The following UBR4 variants were observed in gnomAD, a reference collection of about 807,000 sequenced individuals.
The protein encoded by UBR4 is E3 ubiquitin-protein ligase UBR4.
UBR4 carries 124 observed loss-of-function variants against 575.6 expected under a neutral mutation model. The ratio of observed to expected loss-of-function variants is 0.22; its 90% CI spans 0.19 to 0.25. The LOEUF (loss-of-function observed/expected upper bound fraction) is 0.25, where lower values mean the gene tolerates loss of function less well. UBR4 is among the 10% of genes least tolerant of loss of function. The probability of loss-of-function intolerance (pLI) is 1.00; values close to 1 mark genes in which losing one functional copy is unlikely to be tolerated. For synonymous variants in UBR4, 2,455 were observed against 2,473.7 expected (o/e 0.99, Z 0.22); for missense variants, 4,818 against 6,478.8 (o/e 0.74, Z 8.80).
At chr1:19,080,236 G>A (rs903342088) in intron 103 of UBR4, 1 of 152,206 alleles carries the variant, frequency 6.6e-6, no homozygotes, top group Non-Finnish European at 1.5e-5. Flanking sequence ...TGATATGTTA[G>A]GAATGGGGGC....
chr1:19,177,789 T>C (rs2090432878), intron 18 of UBR4, 46 bp from the exon 19 acceptor site: 1 of 1,580,250 alleles, frequency 6.3e-7, no homozygotes. Flanking sequence ...AAAAGAGCAT[T>C]CCCCAGGAGT....
intron 8 of UBR4, among the ~76,000 whole-genome samples, chr1:19,195,839 G>A (rs1349102948): frequency 6.6e-6 from 1 of 152,038 alleles, no homozygotes; most frequent in African/African-American, 2.4e-5. Context: ...TCACAGCTCA[G>A]AATCTTTAAT....
rs1182333660 is a variant in UBR4, at chr1:19,150,521, T to C, written c.7430+56A>G. 6 of 1,575,050 alleles carry C rather than the reference T, an allele frequency of 3.8e-6. No homozygotes were observed. In the South Asian group the frequency reaches 6.7e-5, roughly 17 times the overall value. ...CTGGCTCTCTCAAGACACAGGAAGG[T>C]TCTGCAGTGAGTGGAATATGTAAAA... On this transcript the variant is annotated intron_variant, in intron 49 of 105. Transcript: ENST00000375254.
intron 18 of UBR4, 108 bp from the exon 19 acceptor site, chr1:19,177,851 TAACAAATTAAGG>T: frequency 7.9e-7 from 1 of 1,263,892 alleles, no homozygotes; most frequent in Non-Finnish European, 1.1e-6. Flanking sequence ...GGCAGTAAGA[TAACAAATTAAGG>T]AAGAAAAAAA....
In UBR4 at chr1:19,110,589, G is replaced by A; in HGVS notation, c.11893-125C>T. Reference sequence around the variant, plus strand: ...AGACAAAGGACAGACGGAGACCCTTGTGCTCCAGGCTCTTCCCTGGGAAAA... The same window carrying A: ...AGACAAAGGACAGACGGAGACCCTTATGCTCCAGGCTCTTCCCTGGGAAAA... On this transcript the variant is annotated intron_variant, in intron 79 of 105. Coordinates refer to ENST00000375254, the MANE Select transcript of UBR4 (RefSeq NM_020765.3). This position sits in a 1 kb window ranked among gnomAD's most constrained non-coding sequence, Gnocchi z 4.5. 4.5e-6 allele frequency: 6 copies of A among 1,337,154 alleles called. No homozygotes were observed. The highest frequency in any genetic ancestry group is 6.4e-6 in the Non-Finnish European group (6 of 941,056). 82.8% of individuals were successfully genotyped at this position (1,337,154 alleles called of 1,614,324 possible).
At chr1:19,154,477 T>C (rs911815513) in intron 44 of UBR4, among the ~76,000 whole-genome samples, 13 of 152,160 alleles carry the variant, frequency 8.5e-5, no homozygotes, top group African/African-American at 3.1e-4. Context: ...TGCAAACTTG[T>C]TGAAAGTCTC....
intron 87 of UBR4, among the ~76,000 whole-genome samples, chr1:19,103,392 C>T (rs1199890289): frequency 6.6e-6 from 1 of 152,070 alleles, no homozygotes; most frequent in African/African-American, 2.4e-5. Context: ...TGGAGAAATC[C>T]CGTCTCTACT....
intron 13 of UBR4, 30 bp from the exon 14 acceptor site, chr1:19,186,687 C>A (rs768553904): frequency 6.2e-7 from 1 of 1,605,288 alleles, no homozygotes; most frequent in Admixed American, 1.7e-5. Flanking sequence ...AAAACCGGAG[C>A]CATCCTATTT....
At position 19,160,229 on chromosome 1, in the gene UBR4, T is replaced by A; in HGVS notation, c.5459A>T (p.Asp1820Val). The change falls in exon 39 of 106, where the codon GAT becomes GTT. Residue 1820 changes from aspartate to valine, a missense_variant. Coordinates refer to ENST00000375254, the MANE Select transcript of UBR4 (RefSeq NM_020765.3). Reference sequence around the variant, plus strand: ...TTGCTGGAAGTTGGTCTGAATGGCATCCATAAGGAAATTAAGCATGTCTAA... The same window carrying A: ...TTGCTGGAAGTTGGTCTGAATGGCAACCATAAGGAAATTAAGCATGTCTAA... Reference protein sequence around the residue: ...LVLDMLNFLMDAIQTNFQQAS... With the variant: ...LVLDMLNFLMVAIQTNFQQAS... 2 of 1,611,122 alleles carry A rather than the reference T, an allele frequency of 1.2e-6. No homozygotes were observed. Among genetic ancestry groups the A allele is most frequent in the Non-Finnish European group, 8.5e-7 (1 of 1,179,644 alleles).
chr1:19,110,529 T>C lies in UBR4; in HGVS notation c.11893-65A>G. On this transcript the variant is annotated intron_variant, in intron 79 of 105. Transcript: ENST00000375254. This position sits in a 1 kb window ranked among gnomAD's most constrained non-coding sequence, Gnocchi z 4.5. The stretch of plus-strand genomic sequence containing the variant: ...GCTCCGGTCCAGCGACTCTTAACTA[T>C]TAATACAATTTCTGGTCCTAGGTGG... The C allele has an allele frequency of 6.5e-7, 1 of 1,531,558 alleles. No homozygotes were observed. 94.9% of individuals were successfully genotyped at this position (1,531,558 alleles called of 1,614,324 possible). A position where few individuals can be genotyped will look rare whatever the true frequency, so the allele number is the denominator to read the frequency against.
rs58608345 is a variant in UBR4 at position 19,101,533 on chromosome 1, C to A, written c.13010G>T (p.Ser4337Ile). ...TPVFIFERLC[S>I]IIYPEENEVT... Reference sequence around the variant, plus strand: ...CGCACTGCTTACAGGATAAATGATGCTGCAGAGCCTCTCGAAGATGAACAC... The same window carrying A: ...CGCACTGCTTACAGGATAAATGATGATGCAGAGCCTCTCGAAGATGAACAC... The change falls in exon 88 of 106, where the codon AGC becomes ATC. Residue 4337 changes from serine (S) to isoleucine (I), a missense_variant. By Grantham distance (142) the Ser-to-Ile change is moderately radical (BLOSUM62 -2). This residue lies in a region of UBR4 where 105 missense variants were observed against 232.8 expected (regional missense o/e 0.45). Transcript: ENST00000375254. 8 of 1,613,404 alleles carry A rather than the reference C, an allele frequency of 5.0e-6. 1 individual carries two copies. The Admixed American group carries it at 1.3e-4, about 27-fold the overall frequency.
At position 19,096,495 on chromosome 1, in the gene UBR4, C is replaced by T. The variant is rs576193519; in HGVS notation, c.13518+28G>A. The T allele has an allele frequency of 1.0e-4, 162 of 1,605,580 alleles. No individual in the cohort carries two copies. In the South Asian group the frequency reaches 1.7e-3, roughly 17 times the overall value. ...GCCTCTCCCAGTGCAGAAAGGCTGGCCCCCACAACTTGCTGCCCCCAACTC... is the reference window on the plus strand; with the variant it reads ...GCCTCTCCCAGTGCAGAAAGGCTGGTCCCCACAACTTGCTGCCCCCAACTC... On this transcript the variant is annotated intron_variant, in intron 92 of 105. Coordinates refer to ENST00000375254, the MANE Select transcript of UBR4 (RefSeq NM_020765.3).
Position 19,092,824 on chromosome 1 carries a change from T to C in UBR4, c.14206A>G (p.Thr4736Ala). The C allele has an allele frequency of 6.2e-7, 1 of 1,611,412 alleles. No individual in the cohort carries two copies. The highest frequency in any genetic ancestry group is 8.5e-7 in the Non-Finnish European group (1 of 1,178,966). ...TACCTGTCCTGGCTACCCACCTGGG[T>C]GCCAGGGTGCTGGATGGCCAGGCCC... ...LRGLAIQHPGTQVLIGTDSIP... is the reference protein window; with the variant it reads ...LRGLAIQHPGAQVLIGTDSIP... The change falls in exon 97 of 106, where the codon ACC (threonine) becomes GCC (alanine). Residue 4736 changes from threonine to alanine, a missense_variant. Thr to Ala is a moderately conservative substitution (Grantham distance 58). This residue lies in a region of UBR4 where 196 missense variants were observed against 386.8 expected (regional missense o/e 0.51). Coordinates refer to ENST00000375254, the MANE Select transcript of UBR4 (RefSeq NM_020765.3).
chr1:19,130,980 C>T (rs1339996242), intron 60 of UBR4, among the ~76,000 whole-genome samples: 1 of 151,982 alleles, frequency 6.6e-6, no homozygotes, highest in Non-Finnish European at 1.5e-5. Flanking sequence ...ACAATCACAG[C>T]TCCGTGCAGT....
chr1:19,197,712 A>G lies in UBR4; in HGVS notation c.851T>C (p.Ile284Thr). The part of the protein sequence containing the change: ...QDAVLANSFF[I>T]MPATVADATA... Reference sequence around the variant, plus strand: ...GGCATCTGCTACTGTTGCAGGCATTATGAAGAAGGAATTAGCTAAAACTGC... The same window carrying G: ...GGCATCTGCTACTGTTGCAGGCATTGTGAAGAAGGAATTAGCTAAAACTGC... The change falls in exon 7 of 106, where the codon ATA becomes ACA. Residue 284 changes from isoleucine to threonine, a missense_variant. Transcript: ENST00000375254. 6.2e-7 allele frequency: 1 copy of G among 1,614,224 alleles called. No individual in the cohort carries two copies. Among genetic ancestry groups the G allele is most frequent in the Non-Finnish European group, 8.5e-7 (1 of 1,180,044 alleles).
At chr1:19,168,274 C>T (rs1238514484) in intron 27 of UBR4, 90 bp from the exon 28 acceptor site, 8 of 1,305,794 alleles carry the variant, frequency 6.1e-6, no homozygotes, top group Non-Finnish European at 8.3e-6. Flanking sequence ...TAAACTAAGA[C>T]CCCACTGACG....
At chr1:19,184,756 T>C (rs2091359601) in intron 15 of UBR4, among the ~76,000 whole-genome samples, 1 of 152,146 alleles carries the variant, frequency 6.6e-6, no homozygotes, top group Admixed American at 6.5e-5. Context: ...ATCAGACCTA[T>C]GCTAAGCACT....
At chr1:19,104,335 G>C in intron 86 of UBR4, 78 bp from the exon 87 acceptor site, 1 of 1,539,746 alleles carries the variant, frequency 6.5e-7, no homozygotes, top group Middle Eastern at 1.7e-4. Context: ...AAGATTATGA[G>C]CAACTCAAAA....
Position 19,173,277 on chromosome 1 carries a change from A to G in UBR4, c.3195T>C (p.Ala1065=). The change falls in exon 24 of 106, where the codon GCT becomes GCC. Residue 1065 remains alanine, a synonymous_variant. Transcript: ENST00000375254. ...GTTCTAGAAGCGAGCTAGCATGCTC[A>G]GCCTTCATTCCCTGTTTGATAAGGT... ...KDHLIKQGMK[A]EHASSLLELA... 6.2e-7 allele frequency: 1 copy of G among 1,614,230 alleles called. No individual in the cohort carries two copies. Among genetic ancestry groups the G allele is most frequent in the Non-Finnish European group, 8.5e-7 (1 of 1,180,036 alleles).
Sources: allele counts gnomAD v4.1 joint callset (sites outside exome capture counted in the v4.1 genomes callset), GRCh38; gene constraint gnomAD v4.1.1; regional missense constraint gnomAD v4.1.1; non-coding constraint Gnocchi (gnomAD v3.1); transcripts MANE v1.5; gene names NCBI Gene and HGNC (gene_info 2026-07-23, HGNC 2026-07-21).